The following ZC3H12B variants were observed in gnomAD, a reference collection of about 807,000 sequenced individuals.
The protein encoded by ZC3H12B is zinc finger CCCH-type containing 12B.
ZC3H12B carries 7 observed loss-of-function variants against 43.9 expected under a neutral mutation model. The observed-to-expected ratio is 0.16, with a 90% confidence interval of 0.09 to 0.30. The LOEUF is 0.30. ZC3H12B is among the 10% of genes least tolerant of loss of function. ZC3H12B has a pLI of 1.00. For synonymous variants in ZC3H12B, 222 were observed against 241.7 expected (o/e 0.92, Z 0.76); for missense variants, 475 against 670.2 (o/e 0.71, Z 3.22).
At chrX:65,082,098 A>G in the ZC3H12B span, among the ~76,000 whole-genome samples, 1 of 111,918 alleles carries the variant, frequency 8.9e-6, no homozygotes, top group Non-Finnish European at 1.9e-5. Context: ...ACAACATACC[A>G]AAACCTATGT....
At chrX:65,382,249 C>A (rs779146371) in intron 2 of ZC3H12B, among the ~76,000 whole-genome samples, 1 of 109,790 alleles carries the variant, frequency 9.1e-6, no homozygotes, top group Non-Finnish European at 1.9e-5. Context: ...AAAAGCTTAT[C>A]CACCATGATC....
At chrX:65,430,293 C>CCATGGGAGAAG (rs2067140503) in intron 3 of ZC3H12B, among the ~76,000 whole-genome samples, 1 of 110,108 alleles carries the variant, frequency 9.1e-6, no homozygotes, top group Admixed American at 9.6e-5. Flanking sequence ...TTGCAAAGAT[C>CCATGGGAGAAG]CATGGGAGAA....
At chrX:65,382,034 C>A (rs1478939673) in intron 2 of ZC3H12B, among the ~76,000 whole-genome samples, 1 of 112,030 alleles carries the variant, frequency 8.9e-6, no homozygotes, top group African/African-American at 3.2e-5. Flanking sequence ...CAAGGAGGAA[C>A]TGGTACCATT....
the ZC3H12B span, among the ~76,000 whole-genome samples, chrX:65,231,117 C>T: frequency 1.8e-5 from 2 of 110,919 alleles, no homozygotes; most frequent in East Asian, 2.8e-4. Context: ...ACTGGGCCTC[C>T]GGAGGTGCCA....
At chrX:65,218,849 C>A in the ZC3H12B span, among the ~76,000 whole-genome samples, 1 of 111,944 alleles carries the variant, frequency 8.9e-6, no homozygotes, top group Admixed American at 9.5e-5. Flanking sequence ...CCCCTCCTGG[C>A]TGGAAGACAA....
At chrX:65,279,566 C>T in the ZC3H12B span, among the ~76,000 whole-genome samples, 1 of 110,952 alleles carries the variant, frequency 9.0e-6, no homozygotes, top group African/African-American at 3.3e-5. Flanking sequence ...ATACAAAGGT[C>T]AACTCAAGAT....
chrX:65,386,119 G>T (rs12834736), intron 2 of ZC3H12B, among the ~76,000 whole-genome samples: 10,185 of 111,324 alleles, frequency 0.091, 537 homozygotes, highest in Non-Finnish European at 0.14. Flanking sequence ...TTTTTGTTGT[G>T]TCTCTGCCAG....
At chrX:65,432,127 C>G (rs2067168811) in intron 3 of ZC3H12B, among the ~76,000 whole-genome samples, 1 of 111,801 alleles carries the variant, frequency 8.9e-6, no homozygotes, top group Non-Finnish European at 1.9e-5. Context: ...TTTTATATAA[C>G]TTACTTATGC....
the ZC3H12B span, among the ~76,000 whole-genome samples, chrX:65,135,461 C>T: frequency 9.3e-6 from 1 of 107,808 alleles, no homozygotes; most frequent in Non-Finnish European, 1.9e-5. Context: ...TGTTCTTTTT[C>T]TTTGGTTGTT....
chrX:65,046,075 A>C, the ZC3H12B span, among the ~76,000 whole-genome samples: 1 of 111,558 alleles, frequency 9.0e-6, no homozygotes, highest in African/African-American at 3.3e-5. Flanking sequence ...TCCATTTATA[A>C]AGCACAGACA....
the ZC3H12B span, among the ~76,000 whole-genome samples, chrX:65,182,224 G>A: frequency 4.5e-5 from 5 of 110,909 alleles, no homozygotes; most frequent in Non-Finnish European, 9.4e-5. Flanking sequence ...GACACAGGGA[G>A]GGAAACATCA....
chrX:65,328,986 G>A, the ZC3H12B span, among the ~76,000 whole-genome samples: 1 of 109,891 alleles, frequency 9.1e-6, no homozygotes, highest in South Asian at 3.9e-4. Flanking sequence ...CTTTGCTATT[G>A]TGAATAGTGC....
At chrX:65,432,488 C>T (rs2067174105) in intron 3 of ZC3H12B, among the ~76,000 whole-genome samples, 2 of 111,789 alleles carry the variant, frequency 1.8e-5, no homozygotes, top group Non-Finnish European at 3.8e-5. Context: ...TTTGCATCTG[C>T]CATATATTAT....
the ZC3H12B span, among the ~76,000 whole-genome samples, chrX:65,074,974 G>A: frequency 8.1e-5 from 9 of 111,531 alleles, no homozygotes; most frequent in African/African-American, 2.9e-4. Flanking sequence ...TGTTGTTTTG[G>A]CTTTGTGCCA....
chrX:65,211,309 C>G, the ZC3H12B span, among the ~76,000 whole-genome samples: 1 of 108,054 alleles, frequency 9.3e-6, no homozygotes, highest in South Asian at 3.9e-4. Context: ...ATTCTTGTAA[C>G]CAAAAACCAC....
intron 3 of ZC3H12B, among the ~76,000 whole-genome samples, chrX:65,399,599 C>T (rs1027246986): frequency 8.9e-6 from 1 of 111,986 alleles, no homozygotes; most frequent in Non-Finnish European, 1.9e-5. Flanking sequence ...TAAATTAGTA[C>T]AACCACTATG....
At chrX:65,400,328 A>T (rs2066748555) in intron 3 of ZC3H12B, among the ~76,000 whole-genome samples, 1 of 111,141 alleles carries the variant, frequency 9.0e-6, no homozygotes, top group Admixed American at 9.6e-5. Context: ...TAGAAATCAG[A>T]GAATTTTAAA....
At chrX:65,425,645 A>G (rs1340951246) in intron 3 of ZC3H12B, among the ~76,000 whole-genome samples, 1 of 111,330 alleles carries the variant, frequency 9.0e-6, no homozygotes, top group Admixed American at 9.6e-5. Context: ...TTCAATACCT[A>G]GTTTATTGAG....
the ZC3H12B span, among the ~76,000 whole-genome samples, chrX:65,035,603 G>T: frequency 1.8e-5 from 2 of 110,841 alleles, no homozygotes; most frequent in Non-Finnish European, 3.8e-5. Context: ...CTTTCCCCTC[G>T]CTCTGGCTCT....
Sources: allele counts gnomAD v4.1 joint callset (sites outside exome capture counted in the v4.1 genomes callset), GRCh38; gene constraint gnomAD v4.1.1; transcripts MANE v1.5; gene names NCBI Gene and HGNC (gene_info 2026-07-23, HGNC 2026-07-21).